BIRC6: variants seen among roughly 807,000 people sequenced by gnomAD.
BIRC6 encodes dual E2 ubiquitin-conjugating enzyme/E3 ubiquitin-protein ligase BIRC6.
BIRC6 carries 98 observed loss-of-function variants against 503.3 expected under a neutral mutation model. That is an observed-to-expected ratio of 0.19 (90% confidence interval 0.17 to 0.23). The LOEUF (loss-of-function observed/expected upper bound fraction) is 0.23, where lower values mean the gene tolerates loss of function less well. BIRC6 is among the 10% of genes least tolerant of loss of function. The probability of loss-of-function intolerance (pLI) is 1.00; values close to 1 mark genes in which losing one functional copy is unlikely to be tolerated. For missense variants in BIRC6, 5,360 were observed against 5,806.0 expected (o/e 0.92, Z 2.50); for synonymous variants, 2,240 against 2,078.7 (o/e 1.08, Z -2.11).
intron 1 of BIRC6, among the ~76,000 whole-genome samples, chr2:32,366,040 A>G (rs2149173355): frequency 6.6e-6 from 1 of 152,138 alleles, no homozygotes; most frequent in South Asian, 2.1e-4. Context: ...ACGTGCCACC[A>G]TGCCCAGGTA....
intron 65 of BIRC6, among the ~76,000 whole-genome samples, chr2:32,561,283 C>A (rs1054656484): frequency 6.6e-6 from 1 of 150,926 alleles, no homozygotes; most frequent in Non-Finnish European, 1.5e-5. Context: ...GCTCTGTTGC[C>A]CAGGCTGGAG....
chr2:32,497,171 G>T (rs2052580234), intron 45 of BIRC6, among the ~76,000 whole-genome samples: 1 of 152,184 alleles, frequency 6.6e-6, no homozygotes, highest in Non-Finnish European at 1.5e-5. Flanking sequence ...TTCATACGTT[G>T]AATTATATTG....
chr2:32,537,956 C>T (rs2057367889), intron 61 of BIRC6, among the ~76,000 whole-genome samples: 1 of 150,820 alleles, frequency 6.6e-6, no homozygotes, highest in Admixed American at 6.6e-5. Flanking sequence ...GACAGCGAGA[C>T]TCCGTCTCAA....
rs1389085629 is a variant in BIRC6, at chr2:32,510,445, T to C, written c.10238-81T>C. The C allele has an allele frequency of 4.8e-6, 4 of 827,696 alleles. No individual in the cohort carries two copies. The East Asian group carries it at 9.7e-5, about 20-fold the overall frequency. 51.3% of individuals were successfully genotyped at this position (827,696 alleles called of 1,614,324 possible). A position where few individuals can be genotyped will look rare whatever the true frequency, so the allele number is the denominator to read the frequency against. On this transcript the variant is annotated intron_variant, in intron 52 of 73. Transcript: ENST00000421745. ...TTATGGAAGCCTCATTTTTAATGAA[T>C]AACTTAATTCAATTAAGTAAATCTT...
At chr2:32,446,568 C>T (rs77445523) in intron 21 of BIRC6, among the ~76,000 whole-genome samples, 4,129 of 152,008 alleles carry the variant, frequency 0.027, 105 homozygotes, top group African/African-American at 0.072. Context: ...GTGCCTGATA[C>T]CCCTCGCTTC....
intron 65 of BIRC6, among the ~76,000 whole-genome samples, chr2:32,572,509 A>C (rs1156930455): frequency 1.3e-5 from 2 of 152,252 alleles, no homozygotes; most frequent in African/African-American, 4.8e-5. Flanking sequence ...AGATAATGCC[A>C]GTTGGCTATA....
At position 32,515,777 on chromosome 2, in the gene BIRC6, CA is replaced by C. The variant is rs1417788734; in HGVS notation, c.11349+14del. On this transcript the variant is annotated splice_region_variant and intron_variant, in intron 55 of 73. Coordinates refer to ENST00000421745, the MANE Select transcript of BIRC6 (RefSeq NM_016252.4). Reference sequence around the variant, plus strand: ...TCAAAAGCTGATGGCACAGGTAAGACAAAAAAATAACTTACATTTTAGTTGT... The same window carrying C: ...TCAAAAGCTGATGGCACAGGTAAGACAAAAAATAACTTACATTTTAGTTGT... 4.4e-6 allele frequency: 7 copies of C among 1,577,016 alleles called. No homozygotes were observed. Among genetic ancestry groups the C allele is most frequent in the Non-Finnish European group, 6.0e-6 (7 of 1,170,000 alleles).
At chr2:32,514,920 C>T in intron 54 of BIRC6, 70 bp from the exon 55 acceptor site, 2 of 1,244,326 alleles carry the variant, frequency 1.6e-6, no homozygotes, top group Admixed American at 2.1e-5. Flanking sequence ...TGAACTATAA[C>T]AGAAATATTT....
intron 4 of BIRC6, among the ~76,000 whole-genome samples, chr2:32,391,006 C>T (rs1473828998): frequency 6.6e-6 from 1 of 152,072 alleles, no homozygotes; most frequent in Non-Finnish European, 1.5e-5. Context: ...TTAAAATATT[C>T]TTTGGGATAT....
chr2:32,581,985 A>G (rs540504227), intron 66 of BIRC6, among the ~76,000 whole-genome samples: 79 of 152,142 alleles, frequency 5.2e-4, no homozygotes, highest in African/African-American at 1.9e-3. Context: ...CAGCCTCCCC[A>G]GTAGCTGGGA....
In BIRC6 at chr2:32,401,565, T is replaced by A. The variant is rs1365072014; in HGVS notation, c.1360T>A (p.Leu454Met). Residue 454 changes from leucine (L) to methionine (M), a missense_variant, in exon 8 of 74, where the codon TTG becomes ATG. Leu to Met is a conservative substitution (Grantham distance 15). Transcript: ENST00000421745. ...AGGAGTTGATTCAAGGAGACCAACT[T>A]TGGCGTGGCTGGAGGACTCCTCTAG... ...SSGVDSRRPT[L>M]AWLEDSSSCS... 3 of 1,614,012 alleles carry A rather than the reference T, an allele frequency of 1.9e-6. No individual in the cohort carries two copies. The highest frequency in any genetic ancestry group is 2.2e-5 in the East Asian group (1 of 44,892).
At position 32,478,347 on chromosome 2, in the gene BIRC6, AAAG is replaced by A. The variant is rs899901145; in HGVS notation, c.7069-281_7069-279del. ...CCGAGACTGTCTCAAAAAAATAAAA[AAAG>A]AAGAAGGACTTTTAATGTCATGATT... On this transcript the variant is annotated intron_variant, in intron 35 of 73. Coordinates refer to ENST00000421745, the MANE Select transcript of BIRC6 (RefSeq NM_016252.4). 1.2e-4 allele frequency among the ~76,000 whole-genome samples: 18 copies of A among 152,294 alleles called. No individual in the cohort carries two copies. In the South Asian group the frequency reaches 1.2e-3, roughly 11 times the overall value.
chr2:32,424,285 T>C (rs535470959), intron 10 of BIRC6, among the ~76,000 whole-genome samples: 3 of 152,048 alleles, frequency 2.0e-5, no homozygotes, highest in Admixed American at 6.6e-5. Context: ...TATATACATA[T>C]TGGGTTTGAT....
chr2:32,387,231 A>G (rs2038593803), intron 3 of BIRC6, among the ~76,000 whole-genome samples: 1 of 151,816 alleles, frequency 6.6e-6, no homozygotes, highest in African/African-American at 2.4e-5. Flanking sequence ...AAGGGGAGTC[A>G]TCCTCCCTTT....
At chr2:32,433,831 G>C in intron 13 of BIRC6, 27 bp downstream of exon 13, 1 of 1,445,618 alleles carries the variant, frequency 6.9e-7, no homozygotes. Flanking sequence ...ATTTATCTTT[G>C]AAGATTTTAT....
intron 61 of BIRC6, among the ~76,000 whole-genome samples, chr2:32,537,189 A>G (rs569942388): frequency 6.6e-6 from 1 of 152,278 alleles, no homozygotes; most frequent in East Asian, 1.9e-4. Flanking sequence ...TAGATATACA[A>G]TCTGTAACAC....
intron 5 of BIRC6, 97 bp from the exon 6 acceptor site, chr2:32,395,414 T>G: frequency 1.0e-6 from 1 of 966,328 alleles, no homozygotes; most frequent in Non-Finnish European, 1.5e-6. Context: ...AGTATAGAAT[T>G]TTACTTAAAA....
At chr2:32,471,330 CCTTTGTCTGGA>C (rs1232022170) in intron 32 of BIRC6, among the ~76,000 whole-genome samples, 1 of 152,292 alleles carries the variant, frequency 6.6e-6, no homozygotes, top group East Asian at 1.9e-4. Flanking sequence ...TAGACAAGCT[CCTTTGTCTGGA>C]CATGACTTTT....
chr2:32,447,496 C>G (rs1157769902), intron 21 of BIRC6, among the ~76,000 whole-genome samples: 2 of 141,994 alleles, frequency 1.4e-5, no homozygotes, highest in Admixed American at 6.8e-5. Flanking sequence ...CCCCACCTCC[C>G]TCCCGGACGG....
Sources: gnomAD v4.1 joint callset for allele counts (sites outside exome capture counted in the v4.1 genomes callset) on GRCh38, gnomAD v4.1.1 for gene constraint, MANE v1.5 for transcripts, NCBI Gene and HGNC (gene_info 2026-07-23, HGNC 2026-07-21) for gene names.